NAA25: variants seen among roughly 807,000 people sequenced by gnomAD.
NAA25 encodes the protein N-alpha-acetyltransferase 25, NatB auxiliary subunit, also known as N-terminal acetyltransferase B complex subunit NAA25.
In NAA25, 30 loss-of-function variants were observed where a neutral mutation model predicts 132.5. That is an observed-to-expected ratio of 0.23 (90% CI 0.17 to 0.31). The LOEUF (loss-of-function observed/expected upper bound fraction) is 0.31, where lower values mean the gene tolerates loss of function less well. Among genes scored for constraint, NAA25 ranks in the 10% least tolerant of loss-of-function variants. The pLI is 1.00. For missense variants in NAA25, 771 were observed against 1,150.4 expected, an observed-to-expected ratio of 0.67 and a Z score of 4.77; for synonymous variants, 359 against 401.9, an observed-to-expected ratio of 0.89 and a Z score of 1.28.
rs565967015 is a variant in NAA25 at position 112,058,061 on chromosome 12, C to T, written c.1447+2209G>A. ...ACTCGGGCAGCTGAGACAGGAGAAT[C>T]GCTTGAACCTGGAAGGAGGATGTTG... On this transcript the variant is annotated intron_variant, in intron 13 of 23. Transcript: ENST00000261745. 1.3e-4 allele frequency among the ~76,000 whole-genome samples: 20 copies of T among 152,148 alleles called. 1 individual carries two copies. Among genetic ancestry groups the T allele is most frequent in the African/African-American group, 4.6e-4 (19 of 41,514 alleles).
At chr12:112,102,113 C>T (rs2079304064) in intron 1 of NAA25, among the ~76,000 whole-genome samples, 1 of 151,326 alleles carries the variant, frequency 6.6e-6, no homozygotes, top group South Asian at 2.1e-4. Flanking sequence ...AAGTGATCCA[C>T]CCAGGAGGCG....
In NAA25 at chr12:112,036,477, G is replaced by A. The variant is rs566328984; in HGVS notation, c.2649+2752C>T. On this transcript the variant is annotated intron_variant, in intron 22 of 23. Coordinates refer to ENST00000261745, the MANE Select transcript of NAA25 (RefSeq NM_024953.4). ...CTCTGAGAAAAGGAAGCTACAAAAA[G>A]GGAATGAGGGAAAGAGTGGAAAGAA... 2.0e-5 allele frequency among the ~76,000 whole-genome samples: 3 copies of A among 152,274 alleles called. No individual in the cohort carries two copies. The East Asian group carries it at 5.8e-4, about 29-fold the overall frequency.
chr12:112,106,467 C>G (rs11066166), intron 1 of NAA25, among the ~76,000 whole-genome samples: 1 of 151,930 alleles, frequency 6.6e-6, no homozygotes, highest in South Asian at 2.1e-4. Flanking sequence ...GGATTCAGTT[C>G]TCACCTTCCA....
rs2078609024 is a variant in NAA25 at position 112,060,351 on chromosome 12, A to G, written c.1366T>C (p.Cys456Arg). 6.2e-7 allele frequency: 1 copy of G among 1,609,962 alleles called. No homozygotes were observed. Among genetic ancestry groups the G allele is most frequent in the Non-Finnish European group, 8.5e-7 (1 of 1,176,410 alleles). ...YQHGLEFGKT[C>R]LKTELQFSDY... ...GAAAATTGCAATTCTGTTTTCAAAC[A>G]GGTTTTCCCTATGGGGGAAAAAAAT... The change falls in exon 13 of 24, where the codon TGT (cysteine) becomes CGT (arginine). Residue 456 changes from cysteine to arginine, a missense_variant. Physicochemically the swap from Cys to Arg is radical, Grantham distance 180 (BLOSUM62 -3). Around this residue, in one of 3 missense-constraint regions of NAA25, gnomAD observed 417 missense variants for 733.8 expected, o/e 0.57. Coordinates refer to ENST00000261745, the MANE Select transcript of NAA25 (RefSeq NM_024953.4).
intron 15 of NAA25, among the ~76,000 whole-genome samples, chr12:112,051,478 G>C (rs1329532138): frequency 1.3e-5 from 2 of 152,092 alleles, no homozygotes; most frequent in Non-Finnish European, 2.9e-5. Flanking sequence ...CCCAGTGCTT[G>C]GATTACAAGC....
rs199922769 is a variant in NAA25 at position 112,071,878 on chromosome 12, A to G, written c.1036+17T>C. ...TAAGGGCATTCTCCAGGCTTACCAG[A>G]TATCATGGTTTCTTACCCAGTTTGT... On this transcript the variant is annotated intron_variant, in intron 10 of 23. Transcript: ENST00000261745. The G allele has an allele frequency of 2.5e-6, 4 of 1,601,598 alleles. No individual in the cohort carries two copies. Among genetic ancestry groups the G allele is most frequent in the South Asian group, 2.2e-5 (2 of 89,948 alleles).
intron 17 of NAA25, among the ~76,000 whole-genome samples, chr12:112,044,527 G>A (rs950052627): frequency 4.6e-5 from 7 of 151,572 alleles, no homozygotes; most frequent in African/African-American, 1.2e-4. Flanking sequence ...AAAATTAGCC[G>A]GGCGTGGTGG....
intron 17 of NAA25, among the ~76,000 whole-genome samples, chr12:112,046,643 AC>A (rs1157285158): frequency 2.6e-5 from 4 of 152,246 alleles, no homozygotes; most frequent in African/African-American, 9.6e-5. Context: ...GATACATATC[AC>A]TACAACTCCC....
chr12:112,039,976 G>C (rs1301550370), intron 21 of NAA25: 1 of 155,614 alleles, frequency 6.4e-6, no homozygotes, highest in African/African-American at 2.4e-5. Flanking sequence ...GAGTAGTAAG[G>C]GGAGAACAGT....
At chr12:112,040,257 C>T in intron 21 of NAA25, 1 of 401,900 alleles carries the variant, frequency 2.5e-6, no homozygotes, top group Non-Finnish European at 4.4e-6. Context: ...ATGAGTACAG[C>T]AAATTTCAAG....
intron 1 of NAA25, among the ~76,000 whole-genome samples, chr12:112,095,881 A>G (rs2079206850): frequency 6.6e-6 from 1 of 152,228 alleles, no homozygotes; most frequent in Non-Finnish European, 1.5e-5. Flanking sequence ...GAAACATTCT[A>G]TATAATACTG....
At chr12:112,032,344 G>C (rs2078161433) in intron 23 of NAA25, among the ~76,000 whole-genome samples, 1 of 152,128 alleles carries the variant, frequency 6.6e-6, no homozygotes, top group African/African-American at 2.4e-5. Context: ...TCTGTTCAAA[G>C]TCTAACGTTT....
At chr12:112,066,112 T>C (rs2078714783) in intron 11 of NAA25, among the ~76,000 whole-genome samples, 1 of 152,206 alleles carries the variant, frequency 6.6e-6, no homozygotes, top group African/African-American at 2.4e-5. Flanking sequence ...TGGGATCACA[T>C]GAGATGACCT....
At chr12:112,061,470 T>C in intron 11 of NAA25, 82 bp from the exon 12 acceptor site, 1 of 1,011,678 alleles carries the variant, frequency 9.9e-7, no homozygotes, top group South Asian at 1.4e-5. Context: ...AATTGAATGG[T>C]CTAGAAAAAG....
At chr12:112,043,267 A>G in intron 18 of NAA25, 56 bp from the exon 19 acceptor site, 1 of 1,512,404 alleles carries the variant, frequency 6.6e-7, no homozygotes, top group Non-Finnish European at 8.9e-7. Context: ...TGCATACAAA[A>G]TAAGAAAATC....
chr12:112,084,028 A>G (rs771748893), intron 4 of NAA25, among the ~76,000 whole-genome samples: 9 of 152,234 alleles, frequency 5.9e-5, no homozygotes, highest in Non-Finnish European at 1.2e-4. Context: ...TCATGTCCAT[A>G]CCCTATGATC....
At chr12:112,043,542 C>G in intron 18 of NAA25, 83 bp downstream of exon 18, 1 of 1,485,726 alleles carries the variant, frequency 6.7e-7, no homozygotes, top group Non-Finnish European at 9.2e-7. Context: ...TTCCTTACTA[C>G]TCACCCACCC....
At chr12:112,080,837 G>A (rs1254528407) in intron 5 of NAA25, among the ~76,000 whole-genome samples, 4 of 152,042 alleles carry the variant, frequency 2.6e-5, no homozygotes, top group Non-Finnish European at 5.9e-5. Context: ...GCAAGGTGGT[G>A]TGCACCTGTA....
intron 1 of NAA25, among the ~76,000 whole-genome samples, chr12:112,099,825 C>T (rs1254135910): frequency 1.3e-5 from 2 of 152,204 alleles, no homozygotes; most frequent in Non-Finnish European, 2.9e-5. Context: ...TTTTCATCTG[C>T]ATGTTCTTGC....
Sources: allele counts gnomAD v4.1 joint callset (sites outside exome capture counted in the v4.1 genomes callset), GRCh38; gene constraint gnomAD v4.1.1; regional missense constraint gnomAD v4.1.1; transcripts MANE v1.5; gene names NCBI Gene and HGNC (gene_info 2026-07-23, HGNC 2026-07-21).